THSD7B: variants seen among roughly 807,000 people sequenced by gnomAD.
THSD7B encodes thrombospondin type-1 domain-containing protein 7B.
Under a neutral mutation model 213.6 loss-of-function variants are expected in THSD7B, and 138 were observed. The observed-to-expected ratio is 0.65, with a 90% CI of 0.56 to 0.74. The LOEUF is 0.74. THSD7B is among the 30% of genes least tolerant of loss of function. THSD7B has a pLI of 0.00. For synonymous variants in THSD7B, 742 were observed against 687.0 expected, an observed-to-expected ratio of 1.08 and a Z score of -1.25; for missense variants, 1,931 against 1,991.5, an observed-to-expected ratio of 0.97 and a Z score of 0.58.
intron 2 of THSD7B, among the ~76,000 whole-genome samples, chr2:136,983,371 G>GACACACACAAACACACACACA (rs1398395384): frequency 7.1e-6 from 1 of 141,114 alleles, no homozygotes; most frequent in African/African-American, 2.6e-5. Flanking sequence ...ACACACACAC[G>GACACACACAAACACACACACA]CACACACACT....
intron 3 of THSD7B, among the ~76,000 whole-genome samples, chr2:137,075,180 T>G (rs1687592670): frequency 6.6e-6 from 1 of 152,220 alleles, no homozygotes; most frequent in Admixed American, 6.5e-5. Context: ...CTGCAGAGTA[T>G]TTTCCAACTT....
chr2:137,209,259 G>T (rs1171563008), intron 7 of THSD7B, among the ~76,000 whole-genome samples: 2 of 151,942 alleles, frequency 1.3e-5, no homozygotes, highest in East Asian at 1.9e-4. Flanking sequence ...TAGAATATTT[G>T]CTTGCATAGC....
chr2:137,148,353 G>T (rs146392522), intron 5 of THSD7B, among the ~76,000 whole-genome samples: 1 of 152,080 alleles, frequency 6.6e-6, no homozygotes, highest in Admixed American at 6.6e-5. Context: ...CTTCATAGCA[G>T]CATGAGAATG....
At chr2:137,238,564 T>TTTTTTTTTTTTTTTTTTTTTTTTTTC (rs1553481982) in intron 9 of THSD7B, among the ~76,000 whole-genome samples, 1 of 83,408 alleles carries the variant, frequency 1.2e-5, no homozygotes, top group African/African-American at 3.9e-5. Context: ...TTTTTTTTTT[T>TTTTTTTTTTTTTTTTTTTTTTTTTTC]GAGACGGAGT....
intron 4 of THSD7B, among the ~76,000 whole-genome samples, chr2:137,107,847 C>T (rs772531123): frequency 6.6e-6 from 1 of 152,120 alleles, no homozygotes; most frequent in Non-Finnish European, 1.5e-5. Context: ...TTCACAGTAG[C>T]TTTCCGTAAT....
chr2:137,553,303 T>C (rs1297709156), intron 15 of THSD7B, among the ~76,000 whole-genome samples: 1 of 152,090 alleles, frequency 6.6e-6, no homozygotes, highest in African/African-American at 2.4e-5. Context: ...TTTTTTAATG[T>C]GGTTGTTGTT....
intron 1 of THSD7B, among the ~76,000 whole-genome samples, chr2:136,834,869 T>A (rs1409379651): frequency 6.6e-6 from 1 of 152,224 alleles, no homozygotes; most frequent in Admixed American, 6.5e-5. Flanking sequence ...ATCTTCTGTA[T>A]TTTAGGTAAC....
rs571274207 is a variant in THSD7B, at chr2:137,514,196, G to C, written c.3139-49025G>C. On this transcript the variant is annotated intron_variant, in intron 15 of 27. Transcript: ENST00000409968. ...ATTGGATTGAAAGATGCAAACTACT[G>C]TTCCTGGGTGTATCTGTGAGGCTGT... Among the ~76,000 whole-genome samples, 14 of 152,302 alleles carry C rather than the reference G, an allele frequency of 9.2e-5. 1 individual carries two copies. The highest frequency in any genetic ancestry group is 3.4e-3 in the Middle Eastern group (1 of 294).
At chr2:137,409,202 G>A (rs1034273649) in intron 13 of THSD7B, among the ~76,000 whole-genome samples, 3 of 152,164 alleles carry the variant, frequency 2.0e-5, no homozygotes, top group African/African-American at 7.2e-5. Flanking sequence ...ACTGCAATGT[G>A]GTGGACAGAT....
At chr2:137,101,290 C>A (rs1250142794) in intron 4 of THSD7B, among the ~76,000 whole-genome samples, 2 of 152,274 alleles carry the variant, frequency 1.3e-5, no homozygotes, top group Admixed American at 6.5e-5. Context: ...GATCCACAGG[C>A]CTTTGCCTCC....
chr2:136,985,057 C>G (rs556795648), intron 2 of THSD7B, among the ~76,000 whole-genome samples: 4 of 152,128 alleles, frequency 2.6e-5, no homozygotes, highest in South Asian at 2.1e-4. Flanking sequence ...ATCTAACAAC[C>G]TACCATCAGA....
In THSD7B at chr2:137,057,219, T is replaced by A; in HGVS notation, c.939T>A (p.Asn313Lys). 2 of 1,610,964 alleles carry A rather than the reference T, an allele frequency of 1.2e-6. No homozygotes were observed. The highest frequency in any genetic ancestry group is 1.7e-6 in the Non-Finnish European group (2 of 1,178,036). Reference protein sequence around the residue: ...QVSCTRSDGQNAMLSLCLQDS... With the variant: ...QVSCTRSDGQKAMLSLCLQDS... ...CGTGTACAAGAAGTGATGGACAAAA[T>A]GCTATGTTAAGGTAGGAGACCTTTG... The change falls in exon 3 of 28, where the codon AAT becomes AAA. Residue 313 changes from asparagine to lysine, a missense_variant. Transcript: ENST00000409968.
intron 5 of THSD7B, among the ~76,000 whole-genome samples, chr2:137,131,966 T>C (rs1270115932): frequency 6.6e-6 from 1 of 151,044 alleles, no homozygotes; most frequent in East Asian, 1.9e-4. Context: ...TAAATTACCT[T>C]GGGCAGTATG....
chr2:137,160,360 G>C lies in THSD7B; in HGVS notation c.1517G>C (p.Gly506Ala). 6.2e-7 allele frequency: 1 copy of C among 1,610,604 alleles called. No individual in the cohort carries two copies. The highest frequency in any genetic ancestry group is 8.5e-7 in the Non-Finnish European group (1 of 1,178,730). ...CATGAAAACTGTCATGATCCTCAGG[G>C]GAAAAAAGGTGAGTGCCTTGTTTGC... ...CIHENCHDPQ[G>A]KKGFRTRQRH... Residue 506 changes from glycine (G) to alanine (A), a missense_variant, in exon 6 of 28, where the codon GGG becomes GCG. Physicochemically the swap from Gly to Ala is moderately conservative, Grantham distance 60. Transcript: ENST00000409968.
intron 21 of THSD7B, among the ~76,000 whole-genome samples, chr2:137,653,202 T>G (rs1377305066): frequency 6.6e-6 from 1 of 152,176 alleles, no homozygotes; most frequent in Non-Finnish European, 1.5e-5. Context: ...GGATACAGTA[T>G]GCTTGGGCAG....
intron 2 of THSD7B, among the ~76,000 whole-genome samples, chr2:136,933,630 C>G (rs1684670087): frequency 6.6e-6 from 1 of 152,086 alleles, no homozygotes. Context: ...GAGACTCCAA[C>G]TGGCTTTTTT....
chr2:137,596,020 CTATACAAAATAGT>C (rs1412452736), intron 17 of THSD7B, among the ~76,000 whole-genome samples: 1 of 151,776 alleles, frequency 6.6e-6, no homozygotes, highest in Non-Finnish European at 1.5e-5. Flanking sequence ...AAACAGAGAG[CTATACAAAATAGT>C]CAAATATATT....
chr2:137,148,760 G>A (rs1387154275), intron 5 of THSD7B, among the ~76,000 whole-genome samples: 2 of 152,084 alleles, frequency 1.3e-5, no homozygotes, highest in Non-Finnish European at 2.9e-5. Context: ...AGATGATTTA[G>A]GTTATCTAGT....
chr2:136,939,968 T>C (rs554180210), intron 2 of THSD7B, among the ~76,000 whole-genome samples: 1 of 152,300 alleles, frequency 6.6e-6, no homozygotes, highest in East Asian at 1.9e-4. Context: ...GCAGCACTTT[T>C]TAACATGTGT....
Sources: allele counts gnomAD v4.1 joint callset (sites outside exome capture counted in the v4.1 genomes callset), GRCh38; gene constraint gnomAD v4.1.1; transcripts MANE v1.5; gene names NCBI Gene and HGNC (gene_info 2026-07-23, HGNC 2026-07-21).